ZMYND8: variants seen among roughly 807,000 people sequenced by gnomAD.
ZMYND8 encodes MYND-type zinc finger-containing chromatin reader ZMYND8.
ZMYND8 carries 37 observed loss-of-function variants against 140.8 expected under a neutral mutation model. The ratio of observed to expected loss-of-function variants is 0.26; its 90% CI spans 0.20 to 0.35. The LOEUF (loss-of-function observed/expected upper bound fraction) is 0.35, where lower values mean the gene tolerates loss of function less well. Among genes scored for constraint, ZMYND8 ranks in the 10% least tolerant of loss-of-function variants. The pLI, the probability that ZMYND8 is intolerant of heterozygous loss-of-function variation, is 1.00. For synonymous variants in ZMYND8, 592 were observed against 597.1 expected (o/e 0.99, Z 0.12); for missense variants, 1,068 against 1,570.0 (o/e 0.68, Z 5.40).
chr20:47,257,911 G>A (rs1044491038), intron 12 of ZMYND8, among the ~76,000 whole-genome samples: 8 of 152,112 alleles, frequency 5.3e-5, no homozygotes, highest in Non-Finnish European at 7.3e-5. Context: ...AGGCTGGAGT[G>A]CAGTGATGCA....
intron 1 of ZMYND8, chr20:47,351,830 T>C: frequency 1.0e-6 from 1 of 985,442 alleles, no homozygotes; most frequent in South Asian, 4.7e-5. Context: ...TCAATAGCTG[T>C]AGCTCTTGTT....
At chr20:47,334,605 A>ACATAT (rs1556420980) in intron 2 of ZMYND8, among the ~76,000 whole-genome samples, 2 of 141,724 alleles carry the variant, frequency 1.4e-5, no homozygotes, top group African/African-American at 5.3e-5. Context: ...GAAAAAAAAA[A>ACATAT]ATATATATAT....
At chr20:47,321,932 C>T (rs1396943896) in intron 2 of ZMYND8, among the ~76,000 whole-genome samples, 1 of 143,538 alleles carries the variant, frequency 7.0e-6, no homozygotes, top group African/African-American at 2.7e-5. Flanking sequence ...ACAATCTGGG[C>T]TCATTGCAAC....
At chr20:47,237,880 G>T (rs780485845) in intron 15 of ZMYND8, 1 of 152,266 alleles carries the variant, frequency 6.6e-6, no homozygotes. Flanking sequence ...ACTGTGTTTG[G>T]CCTAATTTCA....
chr20:47,275,957 A>C (rs1340122525), intron 11 of ZMYND8, among the ~76,000 whole-genome samples: 1 of 152,220 alleles, frequency 6.6e-6, no homozygotes, highest in Non-Finnish European at 1.5e-5. Flanking sequence ...GCACTGTTTA[A>C]TATGAATGTA....
intron 12 of ZMYND8, among the ~76,000 whole-genome samples, chr20:47,258,778 G>C (rs1025271311): frequency 6.6e-6 from 1 of 152,096 alleles, no homozygotes; most frequent in African/African-American, 2.4e-5. Flanking sequence ...GCAGTCACTG[G>C]AGAATTCCTT....
intron 11 of ZMYND8, among the ~76,000 whole-genome samples, chr20:47,267,531 CCCTG>C (rs1380817961): frequency 6.6e-6 from 1 of 151,990 alleles, no homozygotes; most frequent in Non-Finnish European, 1.5e-5. Flanking sequence ...GGCAACACTG[CCCTG>C]CCTATCATTT....
At chr20:47,306,664 G>A (rs527768831) in intron 3 of ZMYND8, among the ~76,000 whole-genome samples, 7 of 150,068 alleles carry the variant, frequency 4.7e-5, no homozygotes, top group African/African-American at 9.9e-5. Flanking sequence ...GCTGCCTCCC[G>A]GGTTCAAGAG....
chr20:47,341,526 C>CAA (rs112093006), intron 2 of ZMYND8, among the ~76,000 whole-genome samples: 17 of 56,290 alleles, frequency 3.0e-4, no homozygotes, highest in South Asian at 6.6e-4. Context: ...GACTCCATCT[C>CAA]AAAAAAAAAA....
At chr20:47,351,309 AG>A (rs1301298425) in intron 1 of ZMYND8, among the ~76,000 whole-genome samples, 1 of 152,186 alleles carries the variant, frequency 6.6e-6, no homozygotes, top group Admixed American at 6.5e-5. Context: ...GAAAGCATCT[AG>A]TTTTGACAGA....
At chr20:47,319,052 G>A (rs2079674285) in intron 2 of ZMYND8, 1 of 1,348,798 alleles carries the variant, frequency 7.4e-7, no homozygotes, top group Non-Finnish European at 9.8e-7. Flanking sequence ...CGGATCCTCA[G>A]CGGCCTCTCC....
chr20:47,328,469 G>C (rs1158858602), intron 2 of ZMYND8, among the ~76,000 whole-genome samples: 1 of 151,894 alleles, frequency 6.6e-6, no homozygotes, highest in Non-Finnish European at 1.5e-5. Flanking sequence ...CCCACAAAAA[G>C]TTAATTCTTT....
intron 10 of ZMYND8, among the ~76,000 whole-genome samples, chr20:47,277,657 T>TTATA (rs1443796595): frequency 6.9e-6 from 1 of 145,300 alleles, no homozygotes; most frequent in Non-Finnish European, 1.5e-5. Context: ...TTCATTTTAT[T>TTATA]TATTTATTTA....
chr20:47,210,376 TACCAA>T lies in ZMYND8; in HGVS notation c.*380_*384del, dbSNP rs1300861445. 5.0e-5 allele frequency: 9 copies of T among 180,092 alleles called. No individual in the cohort carries two copies. Among genetic ancestry groups the T allele is most frequent in the Admixed American group, 1.7e-4 (3 of 17,502 alleles). The allele number at this position is 180,092 out of a possible 1,614,324, so 11.2% of individuals were successfully genotyped here. On this transcript the variant is annotated 3_prime_UTR_variant, in exon 23 of 23. Coordinates refer to ENST00000471951, the MANE Select transcript of ZMYND8 (RefSeq NM_001281775.3). ...GGCTAACTGACCATCCCTTCTCCAATACCAAAACATTCTTTTTTGTTGTTGGGGTT... is the reference window on the plus strand; with the variant it reads ...GGCTAACTGACCATCCCTTCTCCAATAACATTCTTTTTTGTTGTTGGGGTT...
At chr20:47,212,106 G>T (rs1182224733) in intron 22 of ZMYND8, among the ~76,000 whole-genome samples, 1 of 152,218 alleles carries the variant, frequency 6.6e-6, no homozygotes, top group Non-Finnish European at 1.5e-5. Flanking sequence ...TATTTCTCCG[G>T]AAGGACTCTG....
chr20:47,310,295 A>G (rs1265722087), intron 2 of ZMYND8, 91 bp from the exon 3 acceptor site: 1 of 1,472,780 alleles, frequency 6.8e-7, no homozygotes, highest in African/African-American at 1.4e-5. Context: ...GTGTGGGAAC[A>G]GAGTGCATTC....
At chr20:47,314,111 A>AGGGAGTCCAGGGAAG (rs1242906868) in intron 2 of ZMYND8, among the ~76,000 whole-genome samples, 1 of 152,166 alleles carries the variant, frequency 6.6e-6, no homozygotes, top group Non-Finnish European at 1.5e-5. Flanking sequence ...GGGTGCCTGC[A>AGGGAGTCCAGGGAAG]GGGAGTCCAG....
intron 2 of ZMYND8, among the ~76,000 whole-genome samples, chr20:47,324,891 T>C (rs1255877083): frequency 6.6e-6 from 1 of 152,178 alleles, no homozygotes; most frequent in Non-Finnish European, 1.5e-5. Flanking sequence ...TACAGTCATA[T>C]ATAGGTGAAA....
At chr20:47,264,642 G>A (rs1052319460) in intron 11 of ZMYND8, among the ~76,000 whole-genome samples, 3 of 149,508 alleles carry the variant, frequency 2.0e-5, no homozygotes, top group African/African-American at 4.9e-5. Context: ...GGCCTAGCAC[G>A]TGGCATGCCA....
Sources: allele counts gnomAD v4.1 joint callset (sites outside exome capture counted in the v4.1 genomes callset), GRCh38; gene constraint gnomAD v4.1.1; transcripts MANE v1.5; gene names NCBI Gene and HGNC (gene_info 2026-07-23, HGNC 2026-07-21).